The following SLC16A7 variants were observed in gnomAD, a reference collection of about 807,000 sequenced individuals.
The protein encoded by SLC16A7 is solute carrier family 16 member 7, also known as monocarboxylate transporter 2.
A neutral mutation model predicts 34.9 loss-of-function variants in SLC16A7; 33 were observed. That is an observed-to-expected ratio of 0.94 (90% confidence interval 0.72 to 1.26). The LOEUF is 1.26. SLC16A7 is among the 50% of genes most tolerant of loss of function. SLC16A7 has a pLI of 0.00. For synonymous variants in SLC16A7, 201 were observed against 206.6 expected (o/e 0.97, Z 0.23); for missense variants, 573 against 578.1 (o/e 0.99, Z 0.09).
rs190255740 is a variant in SLC16A7, at chr12:59,672,432, C to T, written c.-31+17182C>T. 1.1e-3 allele frequency among the ~76,000 whole-genome samples: 171 copies of T among 150,938 alleles called. 7 individuals are homozygous for T. In the South Asian group the frequency reaches 0.014, roughly 12 times the overall value. On this transcript the variant is annotated intron_variant, in intron 2 of 5. Transcript: ENST00000547379. The stretch of plus-strand genomic sequence containing the variant: ...ATCAGTGAGACAGACTTTCTTATCT[C>T]CCATCTTGTGTGGAGTACTTAGAGC...
At chr12:59,758,793 C>T (rs886789639) in intron 3 of SLC16A7, among the ~76,000 whole-genome samples, 5 of 151,992 alleles carry the variant, frequency 3.3e-5, no homozygotes, top group African/African-American at 7.2e-5. Flanking sequence ...TAAGATAAGT[C>T]TGTAATTCAC....
chr12:59,756,095 C>A (rs1022277182), intron 3 of SLC16A7, among the ~76,000 whole-genome samples: 3 of 152,110 alleles, frequency 2.0e-5, no homozygotes, highest in Non-Finnish European at 4.4e-5. Context: ...ACACCTTATA[C>A]AAAAATTAAT....
At chr12:59,662,008 A>G (rs1592447879) in intron 2 of SLC16A7, among the ~76,000 whole-genome samples, 1 of 144,976 alleles carries the variant, frequency 6.9e-6, no homozygotes, top group South Asian at 2.2e-4. Flanking sequence ...TTTCCAGGAA[A>G]AGAATAGAAA....
intron 1 of SLC16A7, among the ~76,000 whole-genome samples, chr12:59,620,613 G>A (rs1435534001): frequency 1.3e-5 from 2 of 151,904 alleles, no homozygotes; most frequent in African/African-American, 2.4e-5. Context: ...GAGACAGCAG[G>A]ATAGCGTAGA....
At chr12:59,746,760 G>A (rs1878937579) in intron 3 of SLC16A7, among the ~76,000 whole-genome samples, 1 of 152,178 alleles carries the variant, frequency 6.6e-6, no homozygotes. Flanking sequence ...TATGGATGAG[G>A]ATGTCCTTGC....
chr12:59,643,721 A>G (rs982946457), intron 1 of SLC16A7, among the ~76,000 whole-genome samples: 22 of 152,336 alleles, frequency 1.4e-4, no homozygotes, highest in Admixed American at 8.5e-4. Context: ...ATGGGACCAC[A>G]CCAGTGTAAT....
intron 3 of SLC16A7, among the ~76,000 whole-genome samples, chr12:59,714,155 A>G (rs1477119900): frequency 6.6e-6 from 1 of 152,180 alleles, no homozygotes; most frequent in East Asian, 1.9e-4. Context: ...AAGCCGTGGA[A>G]GAGTCATGGA....
intron 3 of SLC16A7, chr12:59,720,091 T>C (rs1229127874): frequency 2.9e-6 from 2 of 700,602 alleles, no homozygotes; most frequent in Non-Finnish European, 5.2e-6. Context: ...TGGTATCATA[T>C]GCAATAGCTG....
chr12:59,712,751 A>G (rs989953093), intron 3 of SLC16A7, among the ~76,000 whole-genome samples: 2 of 152,206 alleles, frequency 1.3e-5, no homozygotes, highest in African/African-American at 4.8e-5. Context: ...CATTGGTGGC[A>G]GCTGTGATGT....
intron 1 of SLC16A7, among the ~76,000 whole-genome samples, chr12:59,641,306 C>T (rs1054860614): frequency 6.6e-6 from 1 of 152,028 alleles, no homozygotes; most frequent in African/African-American, 2.4e-5. Flanking sequence ...GTATTCCCTA[C>T]TAGGGCAGAG....
intron 3 of SLC16A7, among the ~76,000 whole-genome samples, chr12:59,747,024 G>C (rs1230546797): frequency 6.6e-6 from 1 of 152,014 alleles, no homozygotes; most frequent in Non-Finnish European, 1.5e-5. Flanking sequence ...TAGTGACAGT[G>C]TCTCACCGTA....
chr12:59,656,107 A>C (rs1868520509), intron 2 of SLC16A7, among the ~76,000 whole-genome samples: 1 of 151,992 alleles, frequency 6.6e-6, no homozygotes, highest in Non-Finnish European at 1.5e-5. Context: ...TGTTGTGAAC[A>C]ATTCCTAGAC....
intron 1 of SLC16A7, among the ~76,000 whole-genome samples, chr12:59,644,660 T>TA (rs1299867977): frequency 6.6e-6 from 1 of 152,232 alleles, no homozygotes; most frequent in Admixed American, 6.5e-5. Flanking sequence ...AACTGGTACT[T>TA]AACTAATTTC....
At chr12:59,689,514 T>G (rs938844598) in intron 2 of SLC16A7, 9 of 152,030 alleles carry the variant, frequency 5.9e-5, no homozygotes, top group Non-Finnish European at 1.3e-4. Context: ...CCTGCCTCAG[T>G]GATACTGTAT....
At chr12:59,674,506 A>G (rs1246627742) in intron 2 of SLC16A7, among the ~76,000 whole-genome samples, 1 of 152,192 alleles carries the variant, frequency 6.6e-6, no homozygotes, top group Non-Finnish European at 1.5e-5. Flanking sequence ...ACTAGTGTTG[A>G]TATTTGAAAG....
intron 3 of SLC16A7, among the ~76,000 whole-genome samples, chr12:59,722,168 C>T (rs1875685425): frequency 6.6e-6 from 1 of 151,962 alleles, no homozygotes; most frequent in African/African-American, 2.4e-5. Context: ...AATTCATCTT[C>T]TGAAATTCTC....
intron 2 of SLC16A7, among the ~76,000 whole-genome samples, chr12:59,658,794 C>T (rs140686947): frequency 1.7e-3 from 251 of 151,998 alleles, no homozygotes; most frequent in African/African-American, 5.7e-3. Flanking sequence ...TCCAGATTTA[C>T]GTATTTTGGC....
At chr12:59,711,424 A>C (rs1324051276) in intron 3 of SLC16A7, among the ~76,000 whole-genome samples, 1 of 152,244 alleles carries the variant, frequency 6.6e-6, no homozygotes, top group Admixed American at 6.5e-5. Flanking sequence ...GTTACATGTC[A>C]AAATGCATAT....
At chr12:59,740,365 C>T (rs1446396006) in intron 3 of SLC16A7, among the ~76,000 whole-genome samples, 5 of 152,138 alleles carry the variant, frequency 3.3e-5, no homozygotes, top group South Asian at 2.1e-4. Flanking sequence ...AGATATGCGG[C>T]GTTATTTCTG....
Sources: allele counts gnomAD v4.1 joint callset (sites outside exome capture counted in the v4.1 genomes callset), GRCh38; gene constraint gnomAD v4.1.1; transcripts MANE v1.5; gene names NCBI Gene and HGNC (gene_info 2026-07-23, HGNC 2026-07-21).